The following SOX5 variants were observed in gnomAD, a reference collection of about 807,000 sequenced individuals.
The protein encoded by SOX5 is SRY-box transcription factor 5.
Under a neutral mutation model 92.0 loss-of-function variants are expected in SOX5, and 9 were observed. The observed-to-expected ratio is 0.10, with a 90% CI of 0.06 to 0.17. The LOEUF (loss-of-function observed/expected upper bound fraction) is 0.17. Among genes scored for constraint, SOX5 ranks in the 10% least tolerant of loss-of-function variants. SOX5 has a pLI of 1.00. For missense variants in SOX5, 642 were observed against 944.5 expected (o/e 0.68, Z 4.20); for synonymous variants, 344 against 336.3 (o/e 1.02, Z -0.25).
At chr12:24,440,358 G>C (rs936867100) in intron 1 of SOX5, among the ~76,000 whole-genome samples, 2 of 152,014 alleles carry the variant, frequency 1.3e-5, no homozygotes, top group Non-Finnish European at 2.9e-5. Flanking sequence ...GGGTGGGAGC[G>C]GTCATAATTG....
chr12:24,538,508 A>G (rs1264367188), intron 1 of SOX5, among the ~76,000 whole-genome samples: 1 of 151,918 alleles, frequency 6.6e-6, no homozygotes, highest in African/African-American at 2.4e-5. Context: ...GTCAGATCAG[A>G]ACACTTTGTC....
At chr12:24,412,578 C>T (rs771187367) in intron 1 of SOX5, among the ~76,000 whole-genome samples, 2 of 151,962 alleles carry the variant, frequency 1.3e-5, no homozygotes, top group Non-Finnish European at 2.9e-5. Flanking sequence ...TCCAAGGGTT[C>T]AGAAATTTTC....
chr12:23,657,256 G>A (rs1370048031), intron 7 of SOX5, among the ~76,000 whole-genome samples: 1 of 152,080 alleles, frequency 6.6e-6, no homozygotes, highest in Non-Finnish European at 1.5e-5. Flanking sequence ...CCATATAAGC[G>A]ATGCTTAGAT....
At chr12:23,601,309 A>C (rs922452328) in intron 9 of SOX5, among the ~76,000 whole-genome samples, 5 of 152,316 alleles carry the variant, frequency 3.3e-5, no homozygotes, top group Middle Eastern at 3.4e-3. Flanking sequence ...AGGCAAAAGC[A>C]TACCCAGGAA....
chr12:23,741,446 T>C (rs2093794058), intron 4 of SOX5, among the ~76,000 whole-genome samples: 1 of 152,170 alleles, frequency 6.6e-6, no homozygotes, highest in Non-Finnish European at 1.5e-5. Context: ...TAAAAAGATG[T>C]CCCAAGTACA....
rs117086091 is a variant in SOX5, at chr12:23,694,042, G to A, written c.811-28478C>T. On this transcript the variant is annotated intron_variant, in intron 6 of 14. Transcript: ENST00000451604. ...TGCTCTGAAAGATAAATTCACTGAGGTATGCAATTTTAGGCTAATAGTTAC... is the reference window on the plus strand; with the variant it reads ...TGCTCTGAAAGATAAATTCACTGAGATATGCAATTTTAGGCTAATAGTTAC... 3.9e-5 allele frequency among the ~76,000 whole-genome samples: 6 copies of A among 152,234 alleles called. No homozygotes were observed. The East Asian group carries it at 1.2e-3, about 29-fold the overall frequency.
intron 3 of SOX5, among the ~76,000 whole-genome samples, chr12:23,810,380 T>C (rs1247423458): frequency 6.6e-6 from 1 of 152,144 alleles, no homozygotes; most frequent in Non-Finnish European, 1.5e-5. Flanking sequence ...AGCCCACAAA[T>C]TGTTACTCTA....
At chr12:23,903,020 A>G (rs1034383067) in intron 1 of SOX5, among the ~76,000 whole-genome samples, 1 of 152,178 alleles carries the variant, frequency 6.6e-6, no homozygotes, top group African/African-American at 2.4e-5. Context: ...TTTACCTTTA[A>G]GGAAGTTAGA....
At chr12:23,741,385 T>C (rs1324003157) in intron 4 of SOX5, among the ~76,000 whole-genome samples, 1 of 152,144 alleles carries the variant, frequency 6.6e-6, no homozygotes, top group Non-Finnish European at 1.5e-5. Flanking sequence ...AAAAATAATG[T>C]TGGCTGAACA....
chr12:23,543,998 G>GC (rs962717718), intron 12 of SOX5, among the ~76,000 whole-genome samples: 4 of 152,168 alleles, frequency 2.6e-5, no homozygotes, highest in African/African-American at 9.7e-5. Flanking sequence ...TGACAGGTCT[G>GC]CCCCCCAAAA....
At chr12:23,871,006 C>CA (rs1447811596) in intron 2 of SOX5, among the ~76,000 whole-genome samples, 1 of 151,964 alleles carries the variant, frequency 6.6e-6, no homozygotes, top group Non-Finnish European at 1.5e-5. Flanking sequence ...AACAGAAATA[C>CA]TTAACTATGA....
chr12:23,947,850 G>A (rs1944862628), intron 1 of SOX5, among the ~76,000 whole-genome samples: 1 of 151,764 alleles, frequency 6.6e-6, no homozygotes, highest in African/African-American at 2.4e-5. Flanking sequence ...CCTATATAGA[G>A]AAATAGGCTA....
intron 7 of SOX5, among the ~76,000 whole-genome samples, chr12:23,651,380 G>A (rs1007786297): frequency 8.6e-5 from 13 of 151,858 alleles, no homozygotes; most frequent in African/African-American, 3.1e-4. Context: ...ATTTTAATAA[G>A]GAAAACATTA....
rs534659796 is a variant in SOX5, at chr12:23,786,922, T to C, written c.482-31198A>G. ...TAGTTAAGGTTCCTGTTTCGAGTTT[T>C]GTAGTGAGTGAAATGAAAAGTTTAC... On this transcript the variant is annotated intron_variant, in intron 3 of 14. Coordinates refer to ENST00000451604, the MANE Select transcript of SOX5 (RefSeq NM_006940.6). Among the ~76,000 whole-genome samples the C allele has an allele frequency of 1.6e-3, 240 of 145,852 alleles. 26 individuals carry two copies. Among genetic ancestry groups the C allele is most frequent in the African/African-American group, 6.0e-3 (235 of 39,446 alleles).
At chr12:23,827,038 C>T (rs2096245619) in intron 3 of SOX5, among the ~76,000 whole-genome samples, 1 of 152,154 alleles carries the variant, frequency 6.6e-6, no homozygotes, top group South Asian at 2.1e-4. Flanking sequence ...ATGCAATGAG[C>T]TCTACGTTGA....
intron 6 of SOX5, among the ~76,000 whole-genome samples, chr12:23,677,448 C>G (rs2085887714): frequency 6.6e-6 from 1 of 152,106 alleles, no homozygotes; most frequent in East Asian, 1.9e-4. Flanking sequence ...AAACACATTT[C>G]AACTTTTTGC....
chr12:24,542,107 G>A (rs1952183703), intron 1 of SOX5, among the ~76,000 whole-genome samples: 1 of 152,134 alleles, frequency 6.6e-6, no homozygotes, highest in Admixed American at 6.5e-5. Context: ...AAAGGCTTAA[G>A]AGGACCTACA....
At chr12:23,756,985 G>A (rs1189012983) in intron 3 of SOX5, among the ~76,000 whole-genome samples, 2 of 151,732 alleles carry the variant, frequency 1.3e-5, no homozygotes, top group Admixed American at 6.6e-5. Context: ...AGCCTGTGTG[G>A]AGTTTTCAAC....
chr12:23,904,794 C>T (rs1226146954), intron 1 of SOX5, among the ~76,000 whole-genome samples: 1 of 152,156 alleles, frequency 6.6e-6, no homozygotes, highest in Non-Finnish European at 1.5e-5. Context: ...TACTTCGTTA[C>T]ACCTTTCCTT....
Sources: allele counts gnomAD v4.1 joint callset (sites outside exome capture counted in the v4.1 genomes callset), GRCh38; gene constraint gnomAD v4.1.1; transcripts MANE v1.5; gene names NCBI Gene and HGNC (gene_info 2026-07-23, HGNC 2026-07-21).